Variants in ARAP2 observed in about 807,000 individuals in gnomAD.
ARAP2 encodes the protein arf-GAP with Rho-GAP domain, ANK repeat and PH domain-containing protein 2.
In ARAP2, 148 loss-of-function variants were observed where a neutral mutation model predicts 194.5. The ratio of observed to expected loss-of-function variants is 0.76; its 90% CI spans 0.67 to 0.87. ARAP2 has a LOEUF of 0.87. Ranked by LOEUF, ARAP2 falls within the 40% of genes least tolerant of loss-of-function variation. The pLI, the probability that ARAP2 is intolerant of heterozygous loss-of-function variation, is 0.00. For synonymous variants in ARAP2, 695 were observed against 683.5 expected (o/e 1.02, Z -0.26); for missense variants, 2,128 against 1,989.7 (o/e 1.07, Z -1.32).
chr4:36,036,753 T>C (rs13143808), intron 5 of ARAP2, among the ~76,000 whole-genome samples: 13 of 152,168 alleles, frequency 8.5e-5, no homozygotes, highest in Non-Finnish European at 1.5e-4. Context: ...TAAGTTTCTG[T>C]TATATAGCTT....
In ARAP2 at chr4:36,133,356, A is replaced by T. The variant is rs1170111898; in HGVS notation, c.3297T>A (p.Asp1099Glu). The change falls in exon 20 of 33, where the codon GAT becomes GAA. Residue 1099 changes from aspartate to glutamate, a missense_variant. Transcript: ENST00000303965. ...CAATTGCAGTATGCCAGACTGTGAA[A>T]TCCAACTTGGTATGCCCATGGATGT... The part of the protein sequence containing the change: ...TLYIHGHTKL[D>E]FTVWHTAIEK... The T allele has an allele frequency of 6.2e-7, 1 of 1,611,108 alleles. No homozygotes were observed. Among genetic ancestry groups the T allele is most frequent in the African/African-American group, 1.3e-5 (1 of 74,814 alleles).
chr4:36,082,958 T>C (rs1174795897), intron 29 of ARAP2, among the ~76,000 whole-genome samples: 2 of 152,082 alleles, frequency 1.3e-5, no homozygotes, highest in South Asian at 2.1e-4. Context: ...AACCAAAACA[T>C]TGTAGAAGCC....
At chr4:36,239,083 C>T (rs1753005661) in intron 1 of ARAP2, among the ~76,000 whole-genome samples, 1 of 152,030 alleles carries the variant, frequency 6.6e-6, no homozygotes, top group South Asian at 2.1e-4. Context: ...TGAGACCAGC[C>T]TGGCCAACAT....
At chr4:36,089,302 T>C (rs1441221934) in intron 28 of ARAP2, among the ~76,000 whole-genome samples, 2 of 152,168 alleles carry the variant, frequency 1.3e-5, no homozygotes, top group Non-Finnish European at 2.9e-5. Context: ...GTTTTAATAT[T>C]CATTTTTGTT....
At chr4:36,142,170 G>A (rs1161577157) in intron 19 of ARAP2, among the ~76,000 whole-genome samples, 4 of 151,592 alleles carry the variant, frequency 2.6e-5, no homozygotes, top group Admixed American at 1.3e-4. Context: ...AAATTGACTG[G>A]TATCTCTCTC....
chr4:36,027,054 G>A (rs1338761495), intron 5 of ARAP2, among the ~76,000 whole-genome samples: 3 of 152,174 alleles, frequency 2.0e-5, no homozygotes, highest in Admixed American at 1.3e-4. Context: ...GGACTAATCC[G>A]AGTGTGAACT....
chr4:36,145,874 A>G (rs1729521276), intron 19 of ARAP2, among the ~76,000 whole-genome samples: 1 of 151,926 alleles, frequency 6.6e-6, no homozygotes, highest in Non-Finnish European at 1.5e-5. Context: ...TTGGCAAAAT[A>G]GCGTCAACAC....
chr4:36,131,589 C>T (rs891248646), intron 20 of ARAP2, among the ~76,000 whole-genome samples: 2 of 151,334 alleles, frequency 1.3e-5, no homozygotes, highest in African/African-American at 2.4e-5. Flanking sequence ...TTGAAAAAAT[C>T]GAATGCTGAG....
At chr4:36,023,122 A>G (rs1717293829) in intron 5 of ARAP2, among the ~76,000 whole-genome samples, 1 of 152,178 alleles carries the variant, frequency 6.6e-6, no homozygotes, top group African/African-American at 2.4e-5. Flanking sequence ...AAAAGCAGTC[A>G]CTATCACCCC....
chr4:36,126,067 A>G (rs1489858273), intron 21 of ARAP2, among the ~76,000 whole-genome samples: 7 of 151,972 alleles, frequency 4.6e-5, no homozygotes, highest in Admixed American at 3.9e-4. Flanking sequence ...TTTTGTACTG[A>G]TTTAGCCTGT....
At chr4:36,126,234 C>T (rs565378539) in intron 21 of ARAP2, among the ~76,000 whole-genome samples, 15 of 152,100 alleles carry the variant, frequency 9.9e-5, no homozygotes, top group South Asian at 8.3e-4. Context: ...CATTTATCCT[C>T]GCGTTATCCA....
chr4:36,062,333 C>T (rs1724580552), downstream of ARAP2, among the ~76,000 whole-genome samples: 1 of 152,158 alleles, frequency 6.6e-6, no homozygotes. Context: ...GTGCCTCCTT[C>T]AGTGATAAGA....
chr4:36,057,173 A>G (rs140781762), intron 2 of ARAP2, among the ~76,000 whole-genome samples: 1 of 151,166 alleles, frequency 6.6e-6, no homozygotes, highest in African/African-American at 2.4e-5. Flanking sequence ...ATATATTTTC[A>G]TATAGCACTT....
intron 19 of ARAP2, 105 bp from the exon 20 acceptor site, chr4:36,133,494 T>A: frequency 1.0e-6 from 1 of 989,890 alleles, no homozygotes. Flanking sequence ...CAAGACAAAC[T>A]CTTCTTTTAT....
intron 12 of ARAP2, 109 bp downstream of exon 12, chr4:36,161,352 TTATC>T: frequency 1.3e-6 from 1 of 762,748 alleles, no homozygotes; most frequent in East Asian, 2.6e-5. Flanking sequence ...GGTGAGAACT[TTATC>T]AAACAGCCCC....
chr4:36,085,151 A>G (rs1327329635), intron 28 of ARAP2, among the ~76,000 whole-genome samples: 1 of 152,050 alleles, frequency 6.6e-6, no homozygotes, highest in Non-Finnish European at 1.5e-5. Context: ...TTGTCTTTTT[A>G]AATTAAATAT....
intron 13 of ARAP2, 139 bp from the exon 14 acceptor site, chr4:36,159,644 C>T (rs1423657033): frequency 5.2e-6 from 4 of 765,438 alleles, no homozygotes; most frequent in Non-Finnish European, 5.4e-6. Context: ...AATAATTATG[C>T]CATGAATTAG....
rs376504928 is a variant in ARAP2 at position 36,068,250 on chromosome 4, C to T, written c.4772G>A (p.Arg1591Gln). ...ESARAELERL[R>Q]LSEKCDKESV... ...CTCTTTATCACACTTTTCACTGAGC[C>T]GCAGCCTTTCAAGTTCTGCTCTTGC... The change falls in exon 33 of 33, where the codon CGG becomes CAG. Residue 1591 changes from arginine (R) to glutamine (Q), a missense_variant. Transcript: ENST00000303965. 1.5e-5 allele frequency: 24 copies of T among 1,568,466 alleles called. No individual in the cohort carries two copies. The East Asian group carries it at 3.4e-4, about 22-fold the overall frequency.
rs1428154917 is a variant in ARAP2 at position 36,213,334 on chromosome 4, AC to A, written c.965-16del. On this transcript the variant is annotated splice_polypyrimidine_tract_variant and intron_variant, in intron 3 of 32. Coordinates refer to ENST00000303965, the MANE Select transcript of ARAP2 (RefSeq NM_015230.4). ...CTCATTTGAATCTTTTAGGGGAATTACAGGATGAGAACAGAAAGATGTGAAT... is the reference window on the plus strand; with the variant it reads ...CTCATTTGAATCTTTTAGGGGAATTAAGGATGAGAACAGAAAGATGTGAAT... 1.3e-6 allele frequency: 2 copies of A among 1,545,530 alleles called. No individual in the cohort carries two copies. Among genetic ancestry groups the A allele is most frequent in the Non-Finnish European group, 1.8e-6 (2 of 1,119,420 alleles).
Sources: allele counts gnomAD v4.1 joint callset (sites outside exome capture counted in the v4.1 genomes callset), GRCh38; gene constraint gnomAD v4.1.1; transcripts MANE v1.5; gene names NCBI Gene and HGNC (gene_info 2026-07-23, HGNC 2026-07-21).